Variants in CNTN6 observed in about 807,000 individuals in gnomAD.
CNTN6 encodes contactin-6.
A neutral mutation model predicts 122.8 loss-of-function variants in CNTN6; 137 were observed. The ratio of observed to expected loss-of-function variants is 1.12; its 90% CI spans 0.97 to 1.29. CNTN6 has a LOEUF of 1.29. Ranked by LOEUF, CNTN6 falls within the 50% of genes most tolerant of loss-of-function variation. The probability of loss-of-function intolerance (pLI) is 0.00; values close to 1 mark genes in which losing one functional copy is unlikely to be tolerated. For missense variants in CNTN6, 1,634 were observed against 1,223.4 expected (o/e 1.34, Z -5.01); for synonymous variants, 570 against 426.0 (o/e 1.34, Z -4.16).
intron 9 of CNTN6, 87 bp from the exon 10 acceptor site, chr3:1,327,370 T>A: frequency 3.0e-6 from 4 of 1,345,266 alleles, no homozygotes; most frequent in Non-Finnish European, 3.1e-6. Context: ...CTCATAGATA[T>A]ACACAAATGT....
rs766173770 is a variant in CNTN6, at chr3:1,227,883, G to A, written c.248G>A (p.Ser83Asn). 2.5e-6 allele frequency: 4 copies of A among 1,613,984 alleles called. No homozygotes were observed. Residue 83 changes from serine (S) to asparagine (N), a missense_variant, in exon 4 of 23, where the codon AGT becomes AAT. Physicochemically the swap from Ser to Asn is conservative, Grantham distance 46. Transcript: ENST00000446702. ...MSYHYRLDGG[S>N]LAINSPHTDQ... The stretch of plus-strand genomic sequence containing the variant: ...TATCACTACAGGTTGGATGGAGGCA[G>A]TCTTGCAATCAATAGCCCCCACACA...
chr3:1,130,410 A>G (rs562456627), intron 1 of CNTN6, among the ~76,000 whole-genome samples: 2 of 152,124 alleles, frequency 1.3e-5, no homozygotes, highest in Non-Finnish European at 2.9e-5. Context: ...CAAGCAAGAA[A>G]AAGCAGAAGT....
At chr3:1,334,781 G>A (rs1039408805) in intron 11 of CNTN6, among the ~76,000 whole-genome samples, 5 of 151,954 alleles carry the variant, frequency 3.3e-5, no homozygotes, top group Admixed American at 6.6e-5. Context: ...CTGGAATATA[G>A]CACACATTCA....
intron 7 of CNTN6, among the ~76,000 whole-genome samples, chr3:1,309,144 G>A (rs909421967): frequency 1.7e-4 from 24 of 144,550 alleles, no homozygotes; most frequent in South Asian, 1.3e-3. Flanking sequence ...TTAATGATGT[G>A]CAGGTTATCA....
chr3:1,352,549 G>A lies in CNTN6; in HGVS notation c.1492+98G>A. On this transcript the variant is annotated intron_variant, in intron 12 of 22. Transcript: ENST00000446702. ...GTCAAACCTGTACCATATTGTGTAT[G>A]TAAAATTGTTGATTTCACAAGTTAT... 13 of 1,425,070 alleles carry A rather than the reference G, an allele frequency of 9.1e-6. No individual in the cohort carries two copies. In the South Asian group the frequency reaches 1.4e-4, roughly 15 times the overall value. The allele number at this position is 1,425,070 out of a possible 1,614,324, so 88.3% of individuals were successfully genotyped here.
intron 13 of CNTN6, 126 bp downstream of exon 13, chr3:1,372,600 C>T (rs1238775776): frequency 3.4e-6 from 3 of 879,794 alleles, no homozygotes; most frequent in Non-Finnish European, 5.1e-6. Context: ...TTTGAAGCTA[C>T]ATTTGTTTTT....
At chr3:1,109,897 G>C (rs2091400858) in intron 1 of CNTN6, among the ~76,000 whole-genome samples, 1 of 151,940 alleles carries the variant, frequency 6.6e-6, no homozygotes, top group African/African-American at 2.4e-5. Context: ...TAATTTTTAA[G>C]TCTTTAATTA....
intron 8 of CNTN6, among the ~76,000 whole-genome samples, chr3:1,325,412 T>A (rs1701391971): frequency 6.6e-6 from 1 of 151,850 alleles, no homozygotes; most frequent in African/African-American, 2.4e-5. Flanking sequence ...TTACTTTTAG[T>A]TTAGAGCAAA....
intron 9 of CNTN6, 34 bp downstream of exon 9, chr3:1,325,985 A>T: frequency 6.3e-7 from 1 of 1,585,660 alleles, no homozygotes; most frequent in Non-Finnish European, 8.6e-7. Context: ...AAGTTTACCT[A>T]CTCTACTAGG....
At chr3:1,143,249 T>C (rs573541301) in intron 1 of CNTN6, among the ~76,000 whole-genome samples, 2 of 152,164 alleles carry the variant, frequency 1.3e-5, no homozygotes, top group South Asian at 2.1e-4. Context: ...ACATACTCTT[T>C]CCTTGAAGTG....
chr3:1,313,779 T>C (rs1055643789), intron 7 of CNTN6, among the ~76,000 whole-genome samples: 1 of 152,068 alleles, frequency 6.6e-6, no homozygotes, highest in African/African-American at 2.4e-5. Flanking sequence ...AGAAATTTGT[T>C]GTTCACAAGT....
chr3:1,295,209 C>T (rs375491527), intron 5 of CNTN6, among the ~76,000 whole-genome samples: 1 of 152,170 alleles, frequency 6.6e-6, no homozygotes, highest in Non-Finnish European at 1.5e-5. Context: ...ATGTTTAATT[C>T]TTCTGATAAT....
At chr3:1,250,442 G>T (rs556499583) in intron 4 of CNTN6, among the ~76,000 whole-genome samples, 19 of 152,222 alleles carry the variant, frequency 1.2e-4, no homozygotes, top group African/African-American at 4.3e-4. Context: ...TGAGCTCCAC[G>T]TTTTCACAGC....
At chr3:1,311,356 T>G (rs1398120392) in intron 7 of CNTN6, among the ~76,000 whole-genome samples, 1 of 133,852 alleles carries the variant, frequency 7.5e-6, no homozygotes, top group Non-Finnish European at 1.6e-5. Context: ...TGTCTTTATA[T>G]GTACATATAT....
chr3:1,318,707 T>C (rs1700446379), intron 7 of CNTN6, among the ~76,000 whole-genome samples: 1 of 151,768 alleles, frequency 6.6e-6, no homozygotes, highest in Non-Finnish European at 1.5e-5. Flanking sequence ...GTCTCACAAC[T>C]AGGAGCACGG....
chr3:1,398,465 A>G (rs2126253368), intron 20 of CNTN6, among the ~76,000 whole-genome samples: 1 of 152,266 alleles, frequency 6.6e-6, no homozygotes, highest in East Asian at 1.9e-4. Context: ...AATATTATTA[A>G]GGGGAAAACT....
chr3:1,388,937 T>G (rs1202398013), intron 20 of CNTN6, among the ~76,000 whole-genome samples: 3 of 139,736 alleles, frequency 2.1e-5, no homozygotes, highest in Non-Finnish European at 4.7e-5. Context: ...CTACGTCTGA[T>G]TGGTGTACCT....
chr3:1,200,070 T>A (rs181946033), intron 2 of CNTN6, among the ~76,000 whole-genome samples: 138 of 152,216 alleles, frequency 9.1e-4, no homozygotes, highest in African/African-American at 2.9e-3. Context: ...ATATATATAT[T>A]TTTTAAGATG....
chr3:1,384,386 A>T (rs569304171), intron 19 of CNTN6, among the ~76,000 whole-genome samples: 1 of 152,250 alleles, frequency 6.6e-6, no homozygotes, highest in Non-Finnish European at 1.5e-5. Context: ...TTGCAGTATA[A>T]CTTGGAAAGA....
Sources: gnomAD v4.1 joint callset for allele counts (sites outside exome capture counted in the v4.1 genomes callset) on GRCh38, gnomAD v4.1.1 for gene constraint, MANE v1.5 for transcripts, NCBI Gene and HGNC (gene_info 2026-07-23, HGNC 2026-07-21) for gene names.